Variants in ATG13 observed in about 807,000 individuals in gnomAD.
The protein encoded by ATG13 is autophagy-related protein 13.
ATG13 carries 23 observed loss-of-function variants against 65.5 expected under a neutral mutation model. The observed-to-expected ratio is 0.35, with a 90% CI of 0.25 to 0.50. The LOEUF (loss-of-function observed/expected upper bound fraction) is 0.50, where lower values mean the gene tolerates loss of function less well. Ranked by LOEUF, ATG13 falls within the 20% of genes least tolerant of loss-of-function variation. The pLI is 0.98. For synonymous variants in ATG13, 252 were observed against 245.2 expected (o/e 1.03, Z -0.26); for missense variants, 566 against 677.0 (o/e 0.84, Z 1.82).
chr11:46,651,604 A>G (rs2058912486), intron 7 of ATG13, among the ~76,000 whole-genome samples: 1 of 152,196 alleles, frequency 6.6e-6, no homozygotes, highest in Non-Finnish European at 1.5e-5. Context: ...CCTTACATGT[A>G]TAGAGCTGAT....
intron 2 of ATG13, among the ~76,000 whole-genome samples, chr11:46,640,659 A>G (rs1483999126): frequency 6.6e-6 from 1 of 152,210 alleles, no homozygotes; most frequent in Non-Finnish European, 1.5e-5. Flanking sequence ...TTGTCTCACA[A>G]AATTAAAAAA....
chr11:46,622,073 TTACATATATATATATATA>T (rs1290016968), intron 1 of ATG13, among the ~76,000 whole-genome samples: 66 of 82,598 alleles, frequency 8.0e-4, no homozygotes, highest in African/African-American at 2.5e-3. Context: ...ATTTATTTAT[TTACATATATATATATATA>T]TATATATATA....
intron 6 of ATG13, among the ~76,000 whole-genome samples, chr11:46,649,390 G>C (rs2058442947): frequency 6.6e-6 from 1 of 152,238 alleles, no homozygotes. Context: ...AGTCCAGAGA[G>C]ACTCAGATAC....
chr11:46,625,154 C>T lies in ATG13; in HGVS notation c.-69-4891C>T, dbSNP rs1384456051. 4.0e-5 allele frequency: 6 copies of T among 148,570 alleles called. No individual in the cohort carries two copies. The East Asian group carries it at 9.8e-4, about 24-fold the overall frequency. The allele number at this position is 148,570 out of a possible 1,614,324, so 9.2% of individuals were successfully genotyped here. ...ACCAGCCTGGGCAACATATCAAGAT[C>T]GCGTTGCTACCAAAAAAAAAAAAGA... On this transcript the variant is annotated intron_variant, in intron 1 of 18. Transcript: ENST00000683050.
chr11:46,667,871 A>G lies in ATG13; in HGVS notation c.1235A>G (p.Asn412Ser), dbSNP rs1315633965. The change falls in exon 15 of 19, where the codon AAC becomes AGC. Residue 412 changes from asparagine to serine, a missense_variant. Coordinates refer to ENST00000683050, the MANE Select transcript of ATG13 (RefSeq NM_001346311.2). ...IFVRKVGAFV[N>S]KPINQVTLTS... ...GTCCGAAAAGTGGGGGCTTTTGTCAACAAACCCATTAACCAGGTGATTTTT... is the reference window on the plus strand; with the variant it reads ...GTCCGAAAAGTGGGGGCTTTTGTCAGCAAACCCATTAACCAGGTGATTTTT... 2 of 1,612,116 alleles carry G rather than the reference A, an allele frequency of 1.2e-6. No individual in the cohort carries two copies. Among genetic ancestry groups the G allele is most frequent in the Middle Eastern group, 1.7e-4 (1 of 6,052 alleles).
Position 46,672,579 on chromosome 11 carries a change from G to C in ATG13, c.*247G>C. The C allele has an allele frequency of 7.0e-7, 1 of 1,423,622 alleles. No homozygotes were observed. Among genetic ancestry groups the C allele is most frequent in the South Asian group, 1.3e-5 (1 of 79,090 alleles). 88.2% of individuals were successfully genotyped at this position (1,423,622 alleles called of 1,614,324 possible). A position where few individuals can be genotyped will look rare whatever the true frequency, so the allele number is the denominator to read the frequency against. ...TTGGAGATGGGAAGAACCTTCGTAC[G>C]AAAAAGCCCTCAGCAGGGCCATCTG... On this transcript the variant is annotated 3_prime_UTR_variant, in exon 19 of 19. Coordinates refer to ENST00000683050, the MANE Select transcript of ATG13 (RefSeq NM_001346311.2).
chr11:46,618,978 C>T (rs2046355401), intron 1 of ATG13, among the ~76,000 whole-genome samples: 2 of 152,064 alleles, frequency 1.3e-5, no homozygotes, highest in African/African-American at 4.8e-5. Context: ...CCACAGAGTC[C>T]GGCCCAGGAG....
At chr11:46,657,236 TA>T (rs914632656) in intron 9 of ATG13, 45 bp downstream of exon 9, 1 of 1,542,262 alleles carries the variant, frequency 6.5e-7, no homozygotes, top group Non-Finnish European at 8.9e-7. Flanking sequence ...CCGAAAATGT[TA>T]AAGTTTTTTT....
rs879018294 is a variant in ATG13 at position 46,659,327 on chromosome 11, T to C, written c.696-65T>C. 22 of 1,334,972 alleles carry C rather than the reference T, an allele frequency of 1.6e-5. No homozygotes were observed. In the South Asian group the frequency reaches 2.3e-4, roughly 14 times the overall value. The allele number at this position is 1,334,972 out of a possible 1,614,324, so 82.7% of individuals were successfully genotyped here. A position where few individuals can be genotyped will look rare whatever the true frequency, so the allele number is the denominator to read the frequency against. On this transcript the variant is annotated intron_variant, in intron 10 of 18. Coordinates refer to ENST00000683050, the MANE Select transcript of ATG13 (RefSeq NM_001346311.2). ...GGTCCCATCTCTATCTAATCACCTT[T>C]TATAGCCTTTCTGAAATTGACTGCC... is the stretch of plus-strand genomic sequence containing the variant.
chr11:46,631,684 G>A (rs989911826), intron 2 of ATG13, among the ~76,000 whole-genome samples: 3 of 152,034 alleles, frequency 2.0e-5, no homozygotes, highest in Non-Finnish European at 4.4e-5. Flanking sequence ...GGGAACAAAC[G>A]GAGACACCCG....
At chr11:46,668,712 C>T (rs189055426) in intron 16 of ATG13, 82 bp from the exon 17 acceptor site, 2 of 1,494,152 alleles carry the variant, frequency 1.3e-6, no homozygotes, top group Non-Finnish European at 1.9e-6. Context: ...GCATTAAGTT[C>T]TTCCCAGAAT....
At chr11:46,661,340 A>AC (rs544947247) in intron 11 of ATG13, among the ~76,000 whole-genome samples, 18 of 150,398 alleles carry the variant, frequency 1.2e-4, no homozygotes, top group African/African-American at 4.2e-4. Flanking sequence ...ACATGGTGAA[A>AC]CCCCCCTCTT....
rs1482845335 is a variant in ATG13 at position 46,639,416 on chromosome 11, A to G, written c.-13-4863A>G. On this transcript the variant is annotated intron_variant, in intron 2 of 18. Transcript: ENST00000683050. ...TAGTTGCTAGAGATAGTCTGACTTCATTGACTCATTAGTGTAGATAGTAGG... is the reference window on the plus strand; with the variant it reads ...TAGTTGCTAGAGATAGTCTGACTTCGTTGACTCATTAGTGTAGATAGTAGG... 2.6e-5 allele frequency among the ~76,000 whole-genome samples: 4 copies of G among 152,070 alleles called. No individual in the cohort carries two copies. In the East Asian group the frequency reaches 7.7e-4, roughly 29 times the overall value.
chr11:46,642,286 G>GT (rs1252782122), intron 2 of ATG13, among the ~76,000 whole-genome samples: 6 of 115,414 alleles, frequency 5.2e-5, no homozygotes, highest in South Asian at 2.9e-4. Context: ...GCTCTTCCTT[G>GT]TTTTTTTATT....
In ATG13 at chr11:46,641,153, A is replaced by G. The variant is rs570381011; in HGVS notation, c.-13-3126A>G. ...AGTGGTGCGATCTCGGCTCACTGCA[A>G]CCTCTGCCTCCTGGGTTCAAGCAGT... On this transcript the variant is annotated intron_variant, in intron 2 of 18. Transcript: ENST00000683050. 3.3e-5 allele frequency among the ~76,000 whole-genome samples: 5 copies of G among 152,070 alleles called. No homozygotes were observed. The South Asian group carries it at 1.0e-3, about 32-fold the overall frequency.
chr11:46,629,129 G>A (rs1378216905), intron 1 of ATG13, among the ~76,000 whole-genome samples: 1 of 151,904 alleles, frequency 6.6e-6, no homozygotes, highest in Admixed American at 6.6e-5. Flanking sequence ...TTTTAGTAGA[G>A]GTGGGGTTTC....
chr11:46,618,962 C>G (rs978347122), intron 1 of ATG13, among the ~76,000 whole-genome samples: 1 of 152,144 alleles, frequency 6.6e-6, no homozygotes, highest in Non-Finnish European at 1.5e-5. Context: ...GAGTTACATG[C>G]ATAAGCCACA....
chr11:46,636,557 CAAAA>C (rs374517009), intron 2 of ATG13, among the ~76,000 whole-genome samples: 27 of 47,296 alleles, frequency 5.7e-4, no homozygotes, highest in East Asian at 4.3e-3. Flanking sequence ...GACTCCGTCT[CAAAA>C]AAAAAAAAAA....
In ATG13 at chr11:46,672,266, A is replaced by G. The variant is rs1201929775; in HGVS notation, c.1587A>G (p.Pro529=). 1 of 1,614,236 alleles carries G rather than the reference A, an allele frequency of 6.2e-7. No individual in the cohort carries two copies. Among genetic ancestry groups the G allele is most frequent in the Admixed American group, 1.7e-5 (1 of 60,032 alleles). ...TCTTTCCGGTACAGGACTCATTACC[A>G]GAGAAGCTGGCTGTGCATGAGAAGA... The part of the protein sequence containing the change: ...QSMAEDLDSL[P]EKLAVHEKNV... The change falls in exon 19 of 19, where the codon CCA becomes CCG. Residue 529 remains proline, a synonymous_variant. Coordinates refer to ENST00000683050, the MANE Select transcript of ATG13 (RefSeq NM_001346311.2).
Sources: allele counts gnomAD v4.1 joint callset (sites outside exome capture counted in the v4.1 genomes callset), GRCh38; gene constraint gnomAD v4.1.1; transcripts MANE v1.5; gene names NCBI Gene and HGNC (gene_info 2026-07-23, HGNC 2026-07-21).